The following TRDMT1 variants were observed in gnomAD, a reference collection of about 807,000 sequenced individuals.
TRDMT1 encodes the protein tRNA (cytosine(38)-C(5))-methyltransferase.
In TRDMT1, 49 loss-of-function variants were observed where a neutral mutation model predicts 51.2. The ratio of observed to expected loss-of-function variants is 0.96; its 90% CI spans 0.76 to 1.21. The LOEUF is 1.21. TRDMT1 is among the 50% of genes most tolerant of loss of function. TRDMT1 has a pLI of 0.00. For synonymous variants in TRDMT1, 187 were observed against 164.6 expected, an observed-to-expected ratio of 1.14 and a Z score of -1.04; for missense variants, 534 against 462.3, an observed-to-expected ratio of 1.16 and a Z score of -1.42.
At chr10:17,180,698 C>T (rs1327827881) in intron 1 of TRDMT1, among the ~76,000 whole-genome samples, 3 of 152,130 alleles carry the variant, frequency 2.0e-5, no homozygotes, top group African/African-American at 4.8e-5. Flanking sequence ...CAAAGCTGCA[C>T]CTTAGGTGAA....
At chr10:17,188,978 T>A in intron 1 of TRDMT1, among the ~76,000 whole-genome samples, 1 of 152,216 alleles carries the variant, frequency 6.6e-6, no homozygotes, top group East Asian at 1.9e-4. Context: ...TTCTGGCCAA[T>A]TCCATTGAGT....
intron 8 of TRDMT1, 152 bp downstream of exon 8, chr10:17,157,289 T>A: frequency 1.5e-6 from 1 of 677,862 alleles, no homozygotes. Flanking sequence ...TGTGTTCTAC[T>A]GGAACATGAA....
At chr10:17,157,397 C>A (rs770140446) in intron 8 of TRDMT1, 44 bp downstream of exon 8, 42 of 1,456,956 alleles carry the variant, frequency 2.9e-5, no homozygotes, top group Non-Finnish European at 3.6e-5. Flanking sequence ...CTTTAAAAAA[C>A]CTGGTTATTT....
At chr10:17,193,118 C>T (rs920850540) in intron 1 of TRDMT1, among the ~76,000 whole-genome samples, 2 of 152,150 alleles carry the variant, frequency 1.3e-5, no homozygotes, top group African/African-American at 4.8e-5. Context: ...AATCCCAGCA[C>T]TTTGGGAGGT....
intron 1 of TRDMT1, among the ~76,000 whole-genome samples, chr10:17,191,395 T>C (rs1255337543): frequency 6.6e-6 from 1 of 152,208 alleles, no homozygotes; most frequent in African/African-American, 2.4e-5. Context: ...GCAATAATGC[T>C]TTGTCCAGGG....
chr10:17,169,806 T>C (rs1411768923), intron 2 of TRDMT1, among the ~76,000 whole-genome samples: 1 of 152,192 alleles, frequency 6.6e-6, no homozygotes, highest in African/African-American at 2.4e-5. Context: ...TGTCTATCAG[T>C]TTTTGATCAT....
At chr10:17,167,903 T>C (rs1841426922) in intron 3 of TRDMT1, among the ~76,000 whole-genome samples, 1 of 152,206 alleles carries the variant, frequency 6.6e-6, no homozygotes, top group African/African-American at 2.4e-5. Context: ...GTGTCTTAGG[T>C]AAGTATAAAA....
In TRDMT1 at chr10:17,173,242, T is replaced by C. The variant is rs1417023781; in HGVS notation, c.174+1309A>G. Among the ~76,000 whole-genome samples the C allele has an allele frequency of 1.1e-4, 16 of 152,208 alleles. No homozygotes were observed. The South Asian group carries it at 2.3e-3, about 22-fold the overall frequency. Reference sequence around the variant, plus strand: ...ACACAGATTTGTACATATATGTTCATTGCAACTTTACTTGTAATGGTAAAA... The same window carrying C: ...ACACAGATTTGTACATATATGTTCACTGCAACTTTACTTGTAATGGTAAAA... On this transcript the variant is annotated intron_variant, in intron 2 of 10. Transcript: ENST00000377799.
intron 10 of TRDMT1, among the ~76,000 whole-genome samples, chr10:17,152,703 C>T (rs902329892): frequency 1.3e-5 from 2 of 152,126 alleles, no homozygotes; most frequent in East Asian, 1.9e-4. Context: ...GCACTGGCCC[C>T]GGTAGTGGGA....
intron 1 of TRDMT1, among the ~76,000 whole-genome samples, chr10:17,178,744 T>TAA (rs979151602): frequency 6.6e-6 from 1 of 150,432 alleles, no homozygotes; most frequent in African/African-American, 2.4e-5. Flanking sequence ...AAGAATAAAA[T>TAA]AAAAAATACA....
At chr10:17,184,552 C>T (rs866749421) in intron 1 of TRDMT1, among the ~76,000 whole-genome samples, 13 of 152,138 alleles carry the variant, frequency 8.5e-5, no homozygotes, top group South Asian at 2.1e-4. Flanking sequence ...AGTTAGCCCT[C>T]CTTGAAAGCT....
intron 10 of TRDMT1, chr10:17,151,922 C>T (rs893387568): frequency 1.5e-5 from 17 of 1,148,784 alleles, no homozygotes; most frequent in African/African-American, 3.2e-5. Flanking sequence ...TAAGGTGGGG[C>T]TGGGATATGA....
intron 3 of TRDMT1, among the ~76,000 whole-genome samples, chr10:17,162,803 T>C (rs1840594218): frequency 6.6e-6 from 1 of 152,130 alleles, no homozygotes; most frequent in Admixed American, 6.6e-5. Flanking sequence ...AATCCTTACA[T>C]ATCTAATAAG....
Position 17,148,687 on chromosome 10 carries a change from T to C in TRDMT1, c.*353A>G, listed in dbSNP as rs907136566. 1.0e-6 allele frequency: 1 copy of C among 980,646 alleles called. No homozygotes were observed. Among genetic ancestry groups the C allele is most frequent in the Non-Finnish European group, 1.2e-6 (1 of 825,004 alleles). The allele number at this position is 980,646 out of a possible 1,614,324, so 60.7% of individuals were successfully genotyped here. Reference sequence around the variant, plus strand: ...AACTTCTTTAATTAACATAAAAATATGTTATGCCTGTTATGACACTTCACA... The same window carrying C: ...AACTTCTTTAATTAACATAAAAATACGTTATGCCTGTTATGACACTTCACA... On this transcript the variant is annotated 3_prime_UTR_variant, in exon 11 of 11. Coordinates refer to ENST00000377799, the MANE Select transcript of TRDMT1 (RefSeq NM_004412.7).
chr10:17,139,980 C>T lies in TRDMT1; in HGVS notation c.*9060G>A, dbSNP rs117470503. ...ATGTTTAGAAGAGACATAAACAATA[C>T]CCTAGGAGTTATACACAATTTTGGC... is the stretch of plus-strand genomic sequence containing the variant. On this transcript the variant is annotated 3_prime_UTR_variant, in exon 11 of 11. Coordinates refer to ENST00000377799, the MANE Select transcript of TRDMT1 (RefSeq NM_004412.7). 9.5e-3 allele frequency among the ~76,000 whole-genome samples: 1,394 copies of T among 147,240 alleles called. 15 individuals carry two copies. Among genetic ancestry groups the T allele is most frequent in the Non-Finnish European group, 0.014 (970 of 67,454 alleles).
At chr10:17,193,305 G>A (rs897539818) in intron 1 of TRDMT1, among the ~76,000 whole-genome samples, 1 of 138,148 alleles carries the variant, frequency 7.2e-6, no homozygotes, top group African/African-American at 2.6e-5. Context: ...AGAGGTTGCA[G>A]TGAGCCAAGA....
Position 17,186,922 on chromosome 10 carries a change from T to C in TRDMT1, c.65-12262A>G, listed in dbSNP as rs901234391. Among the ~76,000 whole-genome samples, 17 of 152,326 alleles carry C rather than the reference T, an allele frequency of 1.1e-4. 1 individual carries two copies. The highest frequency in any genetic ancestry group is 3.4e-3 in the Middle Eastern group (1 of 294). On this transcript the variant is annotated intron_variant, in intron 1 of 10. Transcript: ENST00000377799. ...TATTCTAAGTAAAGAAAGAAAGCTA[T>C]AATTTATTTTAATGTTCATGGTCAC...
At chr10:17,188,868 T>C (rs1398520986) in intron 1 of TRDMT1, among the ~76,000 whole-genome samples, 2 of 152,236 alleles carry the variant, frequency 1.3e-5, no homozygotes, top group East Asian at 3.8e-4. Context: ...CTTTATAAAG[T>C]AATTTTCAAA....
chr10:17,176,989 T>C (rs1056668335), intron 1 of TRDMT1, among the ~76,000 whole-genome samples: 1 of 152,076 alleles, frequency 6.6e-6, no homozygotes, highest in Non-Finnish European at 1.5e-5. Flanking sequence ...GAGGCAGAAT[T>C]TGGGAAAGGG....
Sources: gnomAD v4.1 joint callset for allele counts (sites outside exome capture counted in the v4.1 genomes callset) on GRCh38, gnomAD v4.1.1 for gene constraint, MANE v1.5 for transcripts, NCBI Gene and HGNC (gene_info 2026-07-23, HGNC 2026-07-21) for gene names.